Variants in DLG2 observed in about 807,000 individuals in gnomAD.
DLG2 encodes discs large MAGUK scaffold protein 2, also known as disks large homolog 2.
DLG2 carries 45 observed loss-of-function variants against 132.5 expected under a neutral mutation model. The observed-to-expected ratio is 0.34, with a 90% CI of 0.27 to 0.44. DLG2 has a LOEUF of 0.44. DLG2 is among the 20% of genes least tolerant of loss of function. The probability of loss-of-function intolerance (pLI) is 1.00; values close to 1 mark genes in which losing one functional copy is unlikely to be tolerated. For missense variants in DLG2, 1,045 were observed against 1,196.9 expected (o/e 0.87, Z 1.87); for synonymous variants, 424 against 419.6 (o/e 1.01, Z -0.13).
rs572854655 is a variant in DLG2, at chr11:85,263,960, T to A, written c.186+21260A>T. ...ACAGGCATCACAGCAGAGAAGGGGC[T>A]GTCTGCAAAGAGGCAGGGGCTGAAG... On this transcript the variant is annotated intron_variant, in intron 4 of 27. Coordinates refer to ENST00000376104, the MANE Select transcript of DLG2 (RefSeq NM_001142699.3). Among the ~76,000 whole-genome samples the A allele has an allele frequency of 2.6e-5, 4 of 152,314 alleles. No individual in the cohort carries two copies. In the South Asian group the frequency reaches 8.3e-4, roughly 32 times the overall value.
At chr11:84,785,084 A>AAAAT (rs544703816) in intron 6 of DLG2, among the ~76,000 whole-genome samples, 1 of 152,124 alleles carries the variant, frequency 6.6e-6, no homozygotes, top group East Asian at 1.9e-4. Flanking sequence ...TGTCAATTTA[A>AAAAT]AAATAAATAA....
chr11:84,653,764 C>T (rs2099684860), intron 6 of DLG2, among the ~76,000 whole-genome samples: 1 of 152,200 alleles, frequency 6.6e-6, no homozygotes, highest in African/African-American at 2.4e-5. Context: ...AGGAAAATGT[C>T]TCCTGCTCCT....
rs372485059 is a variant in DLG2, at chr11:83,459,786, C to T, written c.*32G>A. ...TATATATTTTGTTCTTCTAAATGCT[C>T]TTCTGTCGTTGTCAGAGGCGCAGTA... On this transcript the variant is annotated 3_prime_UTR_variant, in exon 28 of 28. Coordinates refer to ENST00000376104, the MANE Select transcript of DLG2 (RefSeq NM_001142699.3). 3 of 1,175,298 alleles carry T rather than the reference C, an allele frequency of 2.6e-6. No homozygotes were observed. Among genetic ancestry groups the T allele is most frequent in the Non-Finnish European group, 3.8e-6 (3 of 780,792 alleles). The allele number at this position is 1,175,298 out of a possible 1,614,324, so 72.8% of individuals were successfully genotyped here. A position where few individuals can be genotyped will look rare whatever the true frequency, so the allele number is the denominator to read the frequency against.
intron 15 of DLG2, among the ~76,000 whole-genome samples, chr11:83,875,393 T>C (rs555677594): frequency 1.1e-4 from 16 of 152,248 alleles, no homozygotes; most frequent in South Asian, 1.0e-3. Context: ...GATGAAGAAA[T>C]TGAGATACAG....
chr11:84,826,333 C>G (rs1263016982), intron 6 of DLG2, among the ~76,000 whole-genome samples: 1 of 151,728 alleles, frequency 6.6e-6, no homozygotes, highest in Non-Finnish European at 1.5e-5. Flanking sequence ...ATTAGCCTTC[C>G]CCCTTTTAAC....
intron 18 of DLG2, among the ~76,000 whole-genome samples, chr11:83,778,525 T>A (rs1213225287): frequency 6.6e-6 from 1 of 152,156 alleles, no homozygotes; most frequent in Non-Finnish European, 1.5e-5. Flanking sequence ...TATGGGGATG[T>A]TCGGAACTGT....
chr11:85,367,085 TTCC>T (rs1168150561), intron 3 of DLG2, among the ~76,000 whole-genome samples: 1 of 152,186 alleles, frequency 6.6e-6, no homozygotes, highest in East Asian at 1.9e-4. Flanking sequence ...GCGTTAACAA[TTCC>T]ATGAAGTATG....
At chr11:83,890,345 G>T (rs975065506) in intron 15 of DLG2, among the ~76,000 whole-genome samples, 2 of 151,564 alleles carry the variant, frequency 1.3e-5, no homozygotes. Flanking sequence ...TTGGAAAAAA[G>T]GGCAGAGATC....
intron 6 of DLG2, among the ~76,000 whole-genome samples, chr11:84,880,242 A>T (rs1253080422): frequency 1.3e-5 from 2 of 152,102 alleles, no homozygotes; most frequent in East Asian, 3.9e-4. Context: ...TAAAGGAAGG[A>T]AAGTTGGCTC....
At chr11:84,430,040 G>A (rs1413237891) in intron 7 of DLG2, among the ~76,000 whole-genome samples, 1 of 152,088 alleles carries the variant, frequency 6.6e-6, no homozygotes, top group Non-Finnish European at 1.5e-5. Context: ...TTGGGGCTAG[G>A]GTCACAGGCT....
chr11:83,503,420 T>TATATATATATATAG (rs1555118627), intron 21 of DLG2, among the ~76,000 whole-genome samples: 1 of 78,384 alleles, frequency 1.3e-5, no homozygotes, highest in Non-Finnish European at 2.7e-5. Context: ...TATATATATA[T>TATATATATATATAG]ATAGATAGAT....
In DLG2 at chr11:83,828,680, G is replaced by A. The variant is rs887619052; in HGVS notation, c.1722+4934C>T. Among the ~76,000 whole-genome samples the A allele has an allele frequency of 1.8e-4, 27 of 152,128 alleles. 1 individual carries two copies. Among genetic ancestry groups the A allele is most frequent in the Admixed American group, 1.6e-3 (24 of 15,268 alleles). ...CTAGTCCAATCCCTGTCCCAAAGAA[G>A]GAACAGCCCAAACTATCCAAAAGAG... On this transcript the variant is annotated intron_variant, in intron 17 of 27. Coordinates refer to ENST00000376104, the MANE Select transcript of DLG2 (RefSeq NM_001142699.3).
At chr11:83,731,761 A>G (rs1306692045) in intron 18 of DLG2, among the ~76,000 whole-genome samples, 1 of 152,236 alleles carries the variant, frequency 6.6e-6, no homozygotes, top group Non-Finnish European at 1.5e-5. Context: ...CCAACAGTGT[A>G]AAAGCATTCC....
chr11:83,489,706 CCT>C (rs1344709936), intron 21 of DLG2, among the ~76,000 whole-genome samples: 2 of 151,442 alleles, frequency 1.3e-5, no homozygotes, highest in Non-Finnish European at 2.9e-5. Context: ...TTATGTACCC[CCT>C]GAGTATATTG....
intron 6 of DLG2, among the ~76,000 whole-genome samples, chr11:84,626,588 A>G (rs1265454253): frequency 6.6e-6 from 1 of 152,172 alleles, no homozygotes; most frequent in African/African-American, 2.4e-5. Flanking sequence ...CAGAGGGAAA[A>G]AAAGAAAGAA....
chr11:85,127,556 C>T (rs1277039844), intron 5 of DLG2, among the ~76,000 whole-genome samples: 2 of 152,124 alleles, frequency 1.3e-5, no homozygotes, highest in Non-Finnish European at 2.9e-5. Flanking sequence ...AACAGATTGC[C>T]TGTTGTATCC....
intron 7 of DLG2, among the ~76,000 whole-genome samples, chr11:84,378,800 T>G (rs1320745402): frequency 2.0e-5 from 3 of 150,204 alleles, no homozygotes; most frequent in Non-Finnish European, 4.4e-5. Context: ...AAAAAATTAG[T>G]TGGGCGTGGT....
At chr11:84,789,968 T>C (rs1330756050) in intron 6 of DLG2, among the ~76,000 whole-genome samples, 3 of 152,226 alleles carry the variant, frequency 2.0e-5, no homozygotes, top group Non-Finnish European at 1.5e-5. Context: ...TACCACATTT[T>C]CTTTATCAAT....
At chr11:84,381,935 T>G (rs1399083394) in intron 7 of DLG2, among the ~76,000 whole-genome samples, 1 of 152,190 alleles carries the variant, frequency 6.6e-6, no homozygotes, top group Non-Finnish European at 1.5e-5. Context: ...TCCTTCAGCT[T>G]CTGGAGCATG....
Sources: allele counts gnomAD v4.1 joint callset (sites outside exome capture counted in the v4.1 genomes callset), GRCh38; gene constraint gnomAD v4.1.1; transcripts MANE v1.5; gene names NCBI Gene and HGNC (gene_info 2026-07-23, HGNC 2026-07-21).